Variants in UST observed in about 807,000 individuals in gnomAD.
UST encodes the protein chondroitin sulfate 2-O-sulfotransferase.
In UST, 21 loss-of-function variants were observed where a neutral mutation model predicts 45.6. The observed-to-expected ratio is 0.46, with a 90% CI of 0.33 to 0.66. The LOEUF is 0.66. Ranked by LOEUF, UST falls within the 30% of genes least tolerant of loss-of-function variation. The pLI is 0.02. For missense variants in UST, 463 were observed against 512.4 expected, an observed-to-expected ratio of 0.90 and a Z score of 0.93; for synonymous variants, 215 against 200.6, an observed-to-expected ratio of 1.07 and a Z score of -0.61.
chr6:148,767,090 G>A (rs909115338), intron 1 of UST, among the ~76,000 whole-genome samples: 1 of 152,204 alleles, frequency 6.6e-6, no homozygotes, highest in Admixed American at 6.5e-5. Context: ...CCCAGGTGTA[G>A]CTGAGGTTGC....
At chr6:148,926,324 T>C in intron 2 of UST, among the ~76,000 whole-genome samples, 1 of 152,130 alleles carries the variant, frequency 6.6e-6, no homozygotes, top group Non-Finnish European at 1.5e-5. Flanking sequence ...TGAATAAAAT[T>C]AGCAAAAAAT....
chr6:148,974,574 G>A (rs866978937), intron 5 of UST, among the ~76,000 whole-genome samples: 2 of 152,148 alleles, frequency 1.3e-5, no homozygotes, highest in South Asian at 2.1e-4. Flanking sequence ...TGGAACAGGT[G>A]GGGTCTTAAC....
At chr6:148,936,816 C>T (rs2114917639) in intron 2 of UST, among the ~76,000 whole-genome samples, 1 of 152,210 alleles carries the variant, frequency 6.6e-6, no homozygotes, top group South Asian at 2.1e-4. Flanking sequence ...CTGCCTCAGC[C>T]TCCTGAGTAG....
At chr6:148,786,399 C>T (rs1162455851) in intron 1 of UST, among the ~76,000 whole-genome samples, 1 of 152,038 alleles carries the variant, frequency 6.6e-6, no homozygotes, top group Admixed American at 6.6e-5. Context: ...ACCCCCTGCC[C>T]TCGAAATGGC....
chr6:148,891,577 A>G (rs1308269805), intron 2 of UST, among the ~76,000 whole-genome samples: 2 of 152,158 alleles, frequency 1.3e-5, no homozygotes, highest in African/African-American at 4.8e-5. Context: ...AAGGTCACAC[A>G]CTAAGTAAGC....
intron 2 of UST, among the ~76,000 whole-genome samples, chr6:148,906,692 A>G (rs950970972): frequency 4.0e-4 from 8 of 20,114 alleles, no homozygotes; most frequent in Non-Finnish European, 1.0e-3. Context: ...GCCTCTTACT[A>G]ACTGTGATTT....
chr6:149,032,854 G>A (rs6925451), intron 7 of UST, among the ~76,000 whole-genome samples: 1,526 of 152,264 alleles, frequency 0.01, 35 homozygotes, highest in African/African-American at 0.035. Context: ...CTGGGTGTGC[G>A]GGGGAGGTAC....
intron 5 of UST, among the ~76,000 whole-genome samples, chr6:148,998,318 G>A (rs1314904962): frequency 1.3e-5 from 2 of 152,182 alleles, no homozygotes; most frequent in Non-Finnish European, 2.9e-5. Flanking sequence ...CTAAACTGTG[G>A]AGACGTGGAC....
intron 5 of UST, among the ~76,000 whole-genome samples, chr6:149,015,456 A>G (rs931696163): frequency 2.0e-5 from 3 of 152,176 alleles, no homozygotes; most frequent in South Asian, 2.1e-4. Flanking sequence ...AAAAAGGGCT[A>G]GACTTGGCAG....
chr6:149,017,965 C>G (rs1053497072), intron 5 of UST, among the ~76,000 whole-genome samples: 19 of 152,126 alleles, frequency 1.2e-4, no homozygotes, highest in Admixed American at 1.2e-3. Context: ...CATATGCACC[C>G]CCCTATTCAC....
At chr6:148,887,100 A>T in intron 2 of UST, 71 bp downstream of exon 2, 1 of 1,182,374 alleles carries the variant, frequency 8.5e-7, no homozygotes. Flanking sequence ...CAAGCAGAAC[A>T]GATCTCTCCT....
intron 1 of UST, among the ~76,000 whole-genome samples, chr6:148,871,531 A>G (rs1162664244): frequency 6.6e-6 from 1 of 152,148 alleles, no homozygotes; most frequent in Non-Finnish European, 1.5e-5. Flanking sequence ...CTGGTCTCCT[A>G]TGAGTTTGAG....
At chr6:148,953,590 GA>G (rs1780411903) in intron 3 of UST, among the ~76,000 whole-genome samples, 1 of 152,094 alleles carries the variant, frequency 6.6e-6, no homozygotes, top group African/African-American at 2.4e-5. Flanking sequence ...AGACCACGGT[GA>G]AACCCTGTCT....
intron 5 of UST, among the ~76,000 whole-genome samples, chr6:148,968,681 C>T (rs1562316184): frequency 6.6e-6 from 1 of 152,254 alleles, no homozygotes; most frequent in African/African-American, 2.4e-5. Flanking sequence ...TGAGGGAGAG[C>T]ATCTTATTCC....
chr6:148,878,891 G>A (rs1473365546), intron 1 of UST, among the ~76,000 whole-genome samples: 1 of 152,046 alleles, frequency 6.6e-6, no homozygotes, highest in Middle Eastern at 3.4e-3. Context: ...AGGACTGACA[G>A]AATATCCCCT....
intron 2 of UST, among the ~76,000 whole-genome samples, chr6:148,927,634 G>A (rs1195741218): frequency 2.0e-5 from 3 of 151,992 alleles, no homozygotes; most frequent in Admixed American, 6.6e-5. Flanking sequence ...TGCGTGAAAG[G>A]CACCACCAAA....
rs1776858141 is a variant in UST, at chr6:149,074,194, A to C, written c.*78A>C. 4.7e-6 allele frequency: 7 copies of C among 1,485,868 alleles called. No homozygotes were observed. The highest frequency in any genetic ancestry group is 6.4e-6 in the Non-Finnish European group (7 of 1,089,902). The allele number at this position is 1,485,868 out of a possible 1,614,324, so 92.0% of individuals were successfully genotyped here. On this transcript the variant is annotated 3_prime_UTR_variant, in exon 8 of 8. Transcript: ENST00000367463. ...TTTGGGGAAGTAAAATCCTTAAGGG[A>C]CTAAATTAATGCTTGGGTGCATTAA...
At chr6:148,964,929 A>G (rs1400202087) in intron 5 of UST, among the ~76,000 whole-genome samples, 3 of 152,066 alleles carry the variant, frequency 2.0e-5, no homozygotes, top group African/African-American at 4.8e-5. Flanking sequence ...GCCCCTTCTC[A>G]TCCCTCAGCC....
At chr6:148,787,086 TA>T (rs1252592427) in intron 1 of UST, among the ~76,000 whole-genome samples, 2 of 152,242 alleles carry the variant, frequency 1.3e-5, no homozygotes, top group Non-Finnish European at 2.9e-5. Context: ...TTAAGTTCCT[TA>T]TAGATGCTGG....
Sources: gnomAD v4.1 joint callset for allele counts (sites outside exome capture counted in the v4.1 genomes callset) on GRCh38, gnomAD v4.1.1 for gene constraint, MANE v1.5 for transcripts, NCBI Gene and HGNC (gene_info 2026-07-23, HGNC 2026-07-21) for gene names.